CMYA5: variants seen among roughly 807,000 people sequenced by gnomAD.
The protein encoded by CMYA5 is cardiomyopathy associated 5, also known as cardiomyopathy-associated protein 5.
CMYA5 carries 246 observed loss-of-function variants against 318.9 expected under a neutral mutation model. That is an observed-to-expected ratio of 0.77 (90% CI 0.70 to 0.86). The LOEUF (loss-of-function observed/expected upper bound fraction) is 0.86, where lower values mean the gene tolerates loss of function less well. CMYA5 is among the 40% of genes least tolerant of loss of function. CMYA5 has a pLI of 0.00. For missense variants in CMYA5, 4,589 were observed against 4,678.2 expected (o/e 0.98, Z 0.56); for synonymous variants, 1,641 against 1,729.5 (o/e 0.95, Z 1.27).
intron 9 of CMYA5, among the ~76,000 whole-genome samples, chr5:79,775,405 A>G (rs1828921072): frequency 6.6e-6 from 1 of 152,218 alleles, no homozygotes; most frequent in African/African-American, 2.4e-5. Flanking sequence ...TAGTAGAACC[A>G]GTAAAACAAT....
chr5:79,749,190 C>A (rs1161647673), intron 5 of CMYA5, among the ~76,000 whole-genome samples: 1 of 152,112 alleles, frequency 6.6e-6, no homozygotes, highest in African/African-American at 2.4e-5. Flanking sequence ...AAGGAGAGTA[C>A]ACTTGGGCTA....
chr5:79,727,040 T>C (rs6865614), intron 1 of CMYA5, among the ~76,000 whole-genome samples: 32,950 of 150,786 alleles, frequency 0.22, 6,398 homozygotes, highest in African/African-American at 0.52. Flanking sequence ...CTCAGCCTCC[T>C]GAGTAGCTGG....
intron 1 of CMYA5, among the ~76,000 whole-genome samples, chr5:79,707,532 A>G (rs1435394324): frequency 6.6e-6 from 1 of 152,238 alleles, no homozygotes; most frequent in Admixed American, 6.5e-5. Context: ...TGGCTTAATT[A>G]TAGGCTTATT....
At position 79,719,692 on chromosome 5, in the gene CMYA5, A is replaced by G. The variant is rs893219008; in HGVS notation, c.150-9223A>G. ...ATATAAATTAGAGTTTATCAGGGAA[A>G]ATTCAGAAATGGAGAAGTAGTAGAT... On this transcript the variant is annotated intron_variant, in intron 1 of 12. Coordinates refer to ENST00000446378, the MANE Select transcript of CMYA5 (RefSeq NM_153610.5). Among the ~76,000 whole-genome samples the G allele has an allele frequency of 2.0e-5, 3 of 152,196 alleles. 1 individual carries two copies. The highest frequency in any genetic ancestry group is 1.3e-4 in the Admixed American group (2 of 15,272).
At chr5:79,795,297 C>T (rs977992254) in intron 12 of CMYA5, among the ~76,000 whole-genome samples, 4 of 152,146 alleles carry the variant, frequency 2.6e-5, no homozygotes, top group Admixed American at 6.5e-5. Flanking sequence ...ACTCTGAGAA[C>T]GCTCCTGTGG....
Position 79,730,890 on chromosome 5 carries a change from G to C in CMYA5, c.2125G>C (p.Glu709Gln), listed in dbSNP as rs2151084822. The C allele has an allele frequency of 6.2e-7, 1 of 1,613,950 alleles. No individual in the cohort carries two copies. Among genetic ancestry groups the C allele is most frequent in the South Asian group, 1.1e-5 (1 of 91,070 alleles). Residue 709 changes from glutamate to glutamine, a missense_variant, in exon 2 of 13, where the codon GAG becomes CAG. Around this residue, in one of 3 missense-constraint regions of CMYA5, gnomAD observed 2,132 missense variants for 2,131.3 expected, o/e 1.00. Coordinates refer to ENST00000446378, the MANE Select transcript of CMYA5 (RefSeq NM_153610.5). ...TTCAGTTCCATCACTGGCAACAAAA[G>C]AGTCACTGAAGAAAACAATTGACCG... The part of the protein sequence containing the change: ...EYSVPSLATK[E>Q]SLKKTIDRKS...
At chr5:79,691,201 G>A (rs1480112787) in intron 1 of CMYA5, among the ~76,000 whole-genome samples, 1 of 152,194 alleles carries the variant, frequency 6.6e-6, no homozygotes, top group Non-Finnish European at 1.5e-5. Context: ...GAAGTAGTGG[G>A]CAGGGACTAC....
At position 79,738,870 on chromosome 5, in the gene CMYA5, G is replaced by A. The variant is rs1828149710; in HGVS notation, c.10105G>A (p.Val3369Ile). ...TGAAGTCGGAAATGCAAGTCCAGAG[G>A]TCAATCTGAATGTCCCAGTACAAGT... is the stretch of plus-strand genomic sequence containing the variant. Reference protein sequence around the residue: ...GNEVGNASPEVNLNVPVQVSF... With the variant: ...GNEVGNASPEINLNVPVQVSF... Residue 3369 changes from valine (V) to isoleucine (I), a missense_variant, in exon 2 of 13, where the codon GTC becomes ATC. By Grantham distance (29) the Val-to-Ile change is conservative. Transcript: ENST00000446378. 3 of 1,613,922 alleles carry A rather than the reference G, an allele frequency of 1.9e-6. No homozygotes were observed. Among genetic ancestry groups the A allele is most frequent in the South Asian group, 1.1e-5 (1 of 91,082 alleles).
intron 1 of CMYA5, among the ~76,000 whole-genome samples, chr5:79,713,488 C>T (rs1379730875): frequency 2.6e-5 from 4 of 151,888 alleles, no homozygotes; most frequent in African/African-American, 4.9e-5. Context: ...CTGGACCTGG[C>T]GTCTCTTTGT....
intron 1 of CMYA5, among the ~76,000 whole-genome samples, chr5:79,706,125 C>T (rs115207403): frequency 0.021 from 3,216 of 152,152 alleles, 112 homozygotes; most frequent in African/African-American, 0.072. Flanking sequence ...GGGGAGTCAC[C>T]GCCTTCTGGT....
At position 79,734,247 on chromosome 5, in the gene CMYA5, C is replaced by T. The variant is rs998730994; in HGVS notation, c.5482C>T (p.Leu1828Phe). ...AGAACAAAAAAAGACAGAAAAAGCA[C>T]TTCATTCAGATCAAACTGTTAAATT... ...LVEQKKTEKALHSDQTVKLPD... is the reference protein window; with the variant it reads ...LVEQKKTEKAFHSDQTVKLPD... Residue 1828 changes from leucine to phenylalanine, a missense_variant, in exon 2 of 13, where the codon CTT becomes TTT. Physicochemically the swap from Leu to Phe is conservative, Grantham distance 22. Transcript: ENST00000446378. 3.7e-6 allele frequency: 6 copies of T among 1,613,710 alleles called. No individual in the cohort carries two copies. Among genetic ancestry groups the T allele is most frequent in the Non-Finnish European group, 5.1e-6 (6 of 1,179,774 alleles).
At chr5:79,727,297 T>G (rs971353051) in intron 1 of CMYA5, among the ~76,000 whole-genome samples, 4 of 152,156 alleles carry the variant, frequency 2.6e-5, no homozygotes, top group Admixed American at 6.5e-5. Flanking sequence ...GACCAGACCC[T>G]CGTACAATTA....
chr5:79,739,471 C>G (rs1271523668), intron 2 of CMYA5, 68 bp downstream of exon 2: 2 of 1,184,852 alleles, frequency 1.7e-6, no homozygotes, highest in Non-Finnish European at 2.2e-6. Flanking sequence ...TTTACATTTT[C>G]TCAATTTTAA....
chr5:79,739,045 T>C lies in CMYA5; in HGVS notation c.10280T>C (p.Leu3427Pro). 1 of 1,613,932 alleles carries C rather than the reference T, an allele frequency of 6.2e-7. No homozygotes were observed. The highest frequency in any genetic ancestry group is 2.2e-5 in the East Asian group (1 of 44,878). ...GATGAGTATGAATTTACAGAATCCCTGCATAATGAAGTGGTTCCTCAAGAC... is the reference window on the plus strand; with the variant it reads ...GATGAGTATGAATTTACAGAATCCCCGCATAATGAAGTGGTTCCTCAAGAC... ...VQDEYEFTES[L>P]HNEVVPQDIL... is the part of the protein sequence containing the mutation. The change falls in exon 2 of 13, where the codon CTG becomes CCG. Residue 3427 changes from leucine (L) to proline (P), a missense_variant. By Grantham distance (98) the Leu-to-Pro change is moderately conservative (BLOSUM62 -3). This residue lies in a region of CMYA5 where 2,431 missense variants were observed against 2,495.1 expected (regional missense o/e 0.97). Coordinates refer to ENST00000446378, the MANE Select transcript of CMYA5 (RefSeq NM_153610.5).
At chr5:79,717,884 ATT>A (rs1282948127) in intron 1 of CMYA5, among the ~76,000 whole-genome samples, 6 of 91,764 alleles carry the variant, frequency 6.5e-5, no homozygotes, top group African/African-American at 1.9e-4. Context: ...AACCTAAGCT[ATT>A]TTTTTTTTTT....
rs1828517763 is a variant in CMYA5 at position 79,755,839 on chromosome 5, C to G, written c.11111-2914C>G. Among the ~76,000 whole-genome samples, 5 of 152,250 alleles carry G rather than the reference C, an allele frequency of 3.3e-5. No individual in the cohort carries two copies. In the South Asian group the frequency reaches 1.0e-3, roughly 32 times the overall value. On this transcript the variant is annotated intron_variant, in intron 6 of 12. Transcript: ENST00000446378. ...AGCACATTAAAACAAAATTTCTAAC[C>G]TACATACTTTGCTTCTTCCTTGAAA... is the stretch of plus-strand genomic sequence containing the variant.
Position 79,733,681 on chromosome 5 carries a change from C to G in CMYA5, c.4916C>G (p.Ser1639Ter). Reference sequence around the variant, plus strand: ...CCGTTGGAATTACCAAATGCTGGGTCAGAATTTTCTAGTGATTTAGGTAGA... The same window carrying G: ...CCGTTGGAATTACCAAATGCTGGGTGAGAATTTTCTAGTGATTTAGGTAGA... ...HQPLELPNAG[S>*]EFSSDLGRQS... The change falls in exon 2 of 13, where the codon TCA (serine) becomes TGA (stop). Residue 1639 changes from serine to a stop codon, truncating the protein, a stop_gained. Coordinates refer to ENST00000446378, the MANE Select transcript of CMYA5 (RefSeq NM_153610.5). LOFTEE classifies it high-confidence loss of function. The G allele has an allele frequency of 1.2e-6, 2 of 1,613,840 alleles. No homozygotes were observed. The highest frequency in any genetic ancestry group is 2.2e-5 in the South Asian group (2 of 91,078).
At chr5:79,768,349 T>C (rs1561225333) in intron 9 of CMYA5, among the ~76,000 whole-genome samples, 1 of 152,228 alleles carries the variant, frequency 6.6e-6, no homozygotes, top group East Asian at 1.9e-4. Flanking sequence ...ATTATGATGC[T>C]AGCTGGTTCT....
intron 1 of CMYA5, among the ~76,000 whole-genome samples, chr5:79,721,074 C>G (rs1034126796): frequency 6.6e-6 from 1 of 152,050 alleles, no homozygotes; most frequent in Non-Finnish European, 1.5e-5. Flanking sequence ...GTAAAAATAT[C>G]AATTTATATT....
Sources: gnomAD v4.1 joint callset for allele counts (sites outside exome capture counted in the v4.1 genomes callset) on GRCh38, gnomAD v4.1.1 for gene constraint, gnomAD v4.1.1 regional missense constraint, MANE v1.5 for transcripts, NCBI Gene and HGNC (gene_info 2026-07-23, HGNC 2026-07-21) for gene names.